ABCC8: variants seen among roughly 807,000 people sequenced by gnomAD.
The protein encoded by ABCC8 is ATP-binding cassette sub-family C member 8.
ABCC8 carries 137 observed loss-of-function variants against 188.0 expected under a neutral mutation model. The ratio of observed to expected loss-of-function variants is 0.73; its 90% CI spans 0.63 to 0.84. The LOEUF is 0.84. ABCC8 is among the 40% of genes least tolerant of loss of function. The pLI is 0.00. For missense variants in ABCC8, 1,750 were observed against 2,072.7 expected, an observed-to-expected ratio of 0.84 and a Z score of 3.02; for synonymous variants, 797 against 846.5, an observed-to-expected ratio of 0.94 and a Z score of 1.01.
intron 8 of ABCC8, 189 bp downstream of exon 8, chr11:17,448,327 A>G: frequency 1.6e-6 from 1 of 625,916 alleles, no homozygotes. Flanking sequence ...ATTAAGAGAG[A>G]TGGTCAGTGC....
Position 17,453,278 on chromosome 11 carries a change from T to C in ABCC8, c.1017A>G (p.Gln339=), listed in dbSNP as rs752399276. The change falls in exon 7 of 39, where the codon CAA becomes CAG. Residue 339 remains glutamine, a synonymous_variant. Coordinates refer to ENST00000389817, the MANE Select transcript of ABCC8 (RefSeq NM_000352.6). ...ATGAGACAAAGTAAACCCCGAGAAA[T>C]TGTGTCTGTTGGAAAGAGAAGTTCA... ...KENDVFQPKT[Q]FLGVYFVSSQ... 1.2e-6 allele frequency: 2 copies of C among 1,613,818 alleles called. No individual in the cohort carries two copies. Among genetic ancestry groups the C allele is most frequent in the Non-Finnish European group, 1.7e-6 (2 of 1,179,942 alleles).
intron 36 of ABCC8, among the ~76,000 whole-genome samples, chr11:17,394,910 G>A (rs147005395): frequency 2.6e-4 from 39 of 152,244 alleles, no homozygotes; most frequent in Non-Finnish European, 5.1e-4. Context: ...TGGGGGACTC[G>A]CAATCTCTGT....
chr11:17,448,118 CT>C (rs796993543), intron 8 of ABCC8: 227 of 176,886 alleles, frequency 1.3e-3, no homozygotes, highest in African/African-American at 2.9e-3. Context: ...TTTCTTTCTT[CT>C]TTTTTTTTTC....
intron 2 of ABCC8, among the ~76,000 whole-genome samples, chr11:17,473,476 T>C (rs768374937): frequency 2.4e-4 from 36 of 152,234 alleles, no homozygotes; most frequent in Non-Finnish European, 5.0e-4. Context: ...GCCTATCCCC[T>C]GCCATCCAAC....
intron 2 of ABCC8, among the ~76,000 whole-genome samples, chr11:17,472,327 A>C (rs1848526339): frequency 6.6e-6 from 1 of 152,238 alleles, no homozygotes; most frequent in African/African-American, 2.4e-5. Context: ...GTAGTTATTA[A>C]AAAATATCTT....
At chr11:17,399,297 A>AC (rs201566227) in intron 29 of ABCC8, among the ~76,000 whole-genome samples, 6,363 of 124,366 alleles carry the variant, frequency 0.051, 794 homozygotes, top group African/African-American at 0.18. Context: ...AAAAAAAAAA[A>AC]AAAAAAACAA....
intron 8 of ABCC8, among the ~76,000 whole-genome samples, chr11:17,447,980 A>G (rs58016260): frequency 0.024 from 3,657 of 152,346 alleles, 152 homozygotes; most frequent in African/African-American, 0.084. Flanking sequence ...TAGTAAGCAT[A>G]CAACATATAC....
chr11:17,435,961 G>A (rs1477483913), intron 10 of ABCC8: 1 of 1,579,394 alleles, frequency 6.3e-7, no homozygotes, highest in East Asian at 2.2e-5. Context: ...AGCAATACCA[G>A]TGCCACGGTG....
intron 6 of ABCC8, among the ~76,000 whole-genome samples, chr11:17,454,577 G>C (rs1956925164): frequency 6.6e-6 from 1 of 152,176 alleles, no homozygotes; most frequent in Non-Finnish European, 1.5e-5. Context: ...AGAAAAATGG[G>C]CCTTAAAATT....
Position 17,406,728 on chromosome 11 carries a change from T to G in ABCC8, c.3223A>C (p.Ile1075Leu). The change falls in exon 26 of 39, where the codon ATT becomes CTT. Residue 1075 changes from isoleucine (I) to leucine (L), a missense_variant. Coordinates refer to ENST00000389817, the MANE Select transcript of ABCC8 (RefSeq NM_000352.6). ...ACAGACGTGACGAGGCACAGCACAATGCCCAGGCTGCAGAGCACCGTGAAC... is the reference window on the plus strand; with the variant it reads ...ACAGACGTGACGAGGCACAGCACAAGGCCCAGGCTGCAGAGCACCGTGAAC... ...MVFTVLCSLG[I>L]VLCLVTSVTV... is the part of the protein sequence containing the mutation. The G allele has an allele frequency of 6.2e-7, 1 of 1,614,162 alleles. No homozygotes were observed. The highest frequency in any genetic ancestry group is 8.5e-7 in the Non-Finnish European group (1 of 1,180,032).
chr11:17,437,461 T>G (rs1956150363), intron 10 of ABCC8, among the ~76,000 whole-genome samples: 1 of 152,252 alleles, frequency 6.6e-6, no homozygotes, highest in Non-Finnish European at 1.5e-5. Context: ...TTCAGCTTTG[T>G]TGCCTGTGCA....
intron 16 of ABCC8, among the ~76,000 whole-genome samples, chr11:17,417,709 A>G (rs186840885): frequency 3.3e-5 from 5 of 152,282 alleles, no homozygotes; most frequent in Admixed American, 3.3e-4. Context: ...AACAACAGCT[A>G]AAATTTATTG....
intron 33 of ABCC8, chr11:17,396,213 G>A (rs781073522): frequency 1.7e-6 from 1 of 590,092 alleles, no homozygotes; most frequent in African/African-American, 1.9e-5. Context: ...CTGAAGGAGA[G>A]CTGGGGGGCA....
intron 29 of ABCC8, 61 bp from the exon 30 acceptor site, chr11:17,398,502 C>T (rs1954062270): frequency 6.2e-7 from 1 of 1,604,284 alleles, no homozygotes; most frequent in African/African-American, 1.3e-5. Context: ...TCCTAGGAGT[C>T]TCCCTACCTG....
intron 3 of ABCC8, among the ~76,000 whole-genome samples, chr11:17,464,718 A>C (rs1848040709): frequency 6.6e-6 from 1 of 152,192 alleles, no homozygotes; most frequent in South Asian, 2.1e-4. Context: ...TCAATCTGCC[A>C]ATAAATCACT....
At chr11:17,460,054 C>G (rs757063806) in intron 6 of ABCC8, among the ~76,000 whole-genome samples, 1 of 152,242 alleles carries the variant, frequency 6.6e-6, no homozygotes, top group East Asian at 1.9e-4. Context: ...CTGACAGTAG[C>G]TCCCAAGATG....
At position 17,427,074 on chromosome 11, in the gene ABCC8, CCTT is replaced by C. The variant is rs1955612298; in HGVS notation, c.2194_2196del (p.Lys732del). On this transcript the variant is annotated inframe_deletion, in exon 16 of 39. Coordinates refer to ENST00000389817, the MANE Select transcript of ABCC8 (RefSeq NM_000352.6). This position sits in a 1 kb window ranked among gnomAD's most constrained non-coding sequence, Gnocchi z 5.0. ...CTGCTCCAGAAGACAGCCCCTGAGA[CCTT>C]CTGCATCTCCCCCAGTGCGGCTAGA... 1 of 1,614,038 alleles carries C rather than the reference CCTT, an allele frequency of 6.2e-7. No homozygotes were observed. Among genetic ancestry groups the C allele is most frequent in the South Asian group, 1.1e-5 (1 of 91,076 alleles).
At chr11:17,458,383 T>C (rs1488221243) in intron 6 of ABCC8, among the ~76,000 whole-genome samples, 1 of 152,220 alleles carries the variant, frequency 6.6e-6, no homozygotes, top group Non-Finnish European at 1.5e-5. Context: ...GAACTAAAAT[T>C]CTAAGTGCTT....
At chr11:17,441,305 G>T (rs558881105) in intron 10 of ABCC8, among the ~76,000 whole-genome samples, 3 of 152,190 alleles carry the variant, frequency 2.0e-5, no homozygotes, top group Admixed American at 2.0e-4. Context: ...GATCTAGTCC[G>T]AGCCATGCTA....
Sources: gnomAD v4.1 joint callset for allele counts (sites outside exome capture counted in the v4.1 genomes callset) on GRCh38, gnomAD v4.1.1 for gene constraint, Gnocchi (gnomAD v3.1) non-coding constraint, MANE v1.5 for transcripts, NCBI Gene and HGNC (gene_info 2026-07-23, HGNC 2026-07-21) for gene names.